The following NCK2 variants were observed in gnomAD, a reference collection of about 807,000 sequenced individuals.
The protein encoded by NCK2 is cytoplasmic protein NCK2.
In NCK2, 16 loss-of-function variants were observed where a neutral mutation model predicts 33.9. The ratio of observed to expected loss-of-function variants is 0.47; its 90% CI spans 0.32 to 0.72. The LOEUF is 0.72. Ranked by LOEUF, NCK2 falls within the 30% of genes least tolerant of loss-of-function variation. The probability of loss-of-function intolerance (pLI) is 0.03; values close to 1 mark genes in which losing one functional copy is unlikely to be tolerated. For missense variants in NCK2, 418 were observed against 537.3 expected (o/e 0.78, Z 2.19); for synonymous variants, 273 against 239.9 (o/e 1.14, Z -1.27).
intron 2 of NCK2, among the ~76,000 whole-genome samples, chr2:105,835,233 C>T (rs903812043): frequency 1.3e-5 from 2 of 150,896 alleles, no homozygotes; most frequent in African/African-American, 4.9e-5. Flanking sequence ...GTAGGGTTTC[C>T]TTAAGCATTC....
intron 1 of NCK2, among the ~76,000 whole-genome samples, chr2:105,760,915 C>T (rs1176901413): frequency 6.6e-6 from 1 of 152,116 alleles, no homozygotes; most frequent in Non-Finnish European, 1.5e-5. Flanking sequence ...CTTTGGGACA[C>T]CCCTAGCTCT....
chr2:105,862,986 A>G (rs905949306), intron 3 of NCK2, among the ~76,000 whole-genome samples: 2 of 151,794 alleles, frequency 1.3e-5, no homozygotes, highest in Non-Finnish European at 3.0e-5. Flanking sequence ...TATCTGCTGC[A>G]GTTGGACTTA....
intron 1 of NCK2, among the ~76,000 whole-genome samples, chr2:105,748,936 T>C (rs1016665990): frequency 6.6e-6 from 1 of 152,232 alleles, no homozygotes; most frequent in Admixed American, 6.5e-5. Context: ...TTCTGTCTAC[T>C]GTGGAAGGCT....
chr2:105,875,200 A>G (rs1573235619), intron 3 of NCK2, among the ~76,000 whole-genome samples: 2 of 152,008 alleles, frequency 1.3e-5, no homozygotes, highest in African/African-American at 4.8e-5. Flanking sequence ...TTGCCCTCCA[A>G]CCTGGCTGCT....
chr2:105,880,024 C>T (rs1001787270), intron 3 of NCK2, among the ~76,000 whole-genome samples: 1 of 152,198 alleles, frequency 6.6e-6, no homozygotes, highest in Non-Finnish European at 1.5e-5. Context: ...GTGTCCCCAG[C>T]TCTGGGGCTG....
intron 1 of NCK2, among the ~76,000 whole-genome samples, chr2:105,754,370 A>G (rs1573553479): frequency 6.6e-6 from 1 of 152,240 alleles, no homozygotes; most frequent in East Asian, 1.9e-4. Context: ...GCCCATGCCC[A>G]TCTTAGAGGA....
chr2:105,870,203 A>G (rs1677942556), intron 3 of NCK2, among the ~76,000 whole-genome samples: 2 of 152,232 alleles, frequency 1.3e-5, no homozygotes, highest in East Asian at 3.9e-4. Context: ...CACGGGGCCA[A>G]GCAGGGGCCC....
At chr2:105,852,487 AT>A (rs1353813297) in intron 2 of NCK2, among the ~76,000 whole-genome samples, 1 of 152,150 alleles carries the variant, frequency 6.6e-6, no homozygotes, top group East Asian at 1.9e-4. Flanking sequence ...AGGCAGTGGA[AT>A]TTTTAAAGCT....
At chr2:105,854,948 T>C (rs1277277439) in intron 2 of NCK2, 100 bp from the exon 3 acceptor site, 10 of 790,116 alleles carry the variant, frequency 1.3e-5, no homozygotes, top group Non-Finnish European at 2.1e-5. Flanking sequence ...GGTTGCAGAG[T>C]TGTAATAAAA....
intron 3 of NCK2, among the ~76,000 whole-genome samples, chr2:105,863,218 G>T (rs1158025892): frequency 1.3e-5 from 2 of 152,144 alleles, no homozygotes; most frequent in African/African-American, 4.8e-5. Flanking sequence ...TCTCATTTCG[G>T]CATTATAGGA....
At chr2:105,814,249 C>G (rs948863395) in intron 1 of NCK2, among the ~76,000 whole-genome samples, 1 of 152,204 alleles carries the variant, frequency 6.6e-6, no homozygotes, top group African/African-American at 2.4e-5. Context: ...TTTTATTCTA[C>G]TTAGGGTGTA....
chr2:105,892,875 G>T, intron 4 of NCK2, 107 bp from the exon 5 acceptor site: 2 of 862,314 alleles, frequency 2.3e-6, no homozygotes, highest in Non-Finnish European at 1.8e-6. Flanking sequence ...GAGACCCAGT[G>T]TTTGAGCAAT....
intron 1 of NCK2, among the ~76,000 whole-genome samples, chr2:105,808,833 G>A (rs769262194): frequency 5.3e-5 from 8 of 152,214 alleles, no homozygotes; most frequent in Non-Finnish European, 1.0e-4. Context: ...ATGATGTGGG[G>A]TGTGATACTG....
chr2:105,820,011 A>G (rs1675663462), intron 2 of NCK2, among the ~76,000 whole-genome samples: 1 of 152,196 alleles, frequency 6.6e-6, no homozygotes, highest in African/African-American at 2.4e-5. Flanking sequence ...TAACTGCTGT[A>G]GTGGAGGTTC....
intron 1 of NCK2, among the ~76,000 whole-genome samples, chr2:105,779,301 C>T (rs1217536075): frequency 3.4e-5 from 3 of 88,346 alleles, no homozygotes; most frequent in Admixed American, 3.0e-4. Context: ...GGCGAGACTC[C>T]GTCTCAAAAA....
In NCK2 at chr2:105,835,408, T is replaced by TATATATATATATATATATATACACATAC. The variant is rs1553458610; in HGVS notation, c.-17+18795_-17+18796insATATATATATATATATATATACACATAC. 7.3e-4 allele frequency among the ~76,000 whole-genome samples: 30 copies of TATATATATATATATATATATACACATAC among 41,274 alleles called. 1 individual carries two copies. Among genetic ancestry groups the TATATATATATATATATATATACACATAC allele is most frequent in the Non-Finnish European group, 4.8e-4 (7 of 14,732 alleles). 27.1% of individuals were successfully genotyped at this position (41,274 alleles called of 152,430 possible). On this transcript the variant is annotated intron_variant, in intron 2 of 4. Coordinates refer to ENST00000233154, the MANE Select transcript of NCK2 (RefSeq NM_003581.5). ...ATACACATATATATATATATATACG[T>TATATATATATATATATATATACACATAC]GTATATATATATATATTTTTTTTTT... is the stretch of plus-strand genomic sequence containing the variant.
At chr2:105,876,737 T>C (rs1373602600) in intron 3 of NCK2, among the ~76,000 whole-genome samples, 2 of 152,336 alleles carry the variant, frequency 1.3e-5, no homozygotes, top group Middle Eastern at 3.4e-3. Flanking sequence ...CAGTAGGTGG[T>C]TTTACTTTAA....
At chr2:105,761,128 G>A (rs1266613756) in intron 1 of NCK2, among the ~76,000 whole-genome samples, 1 of 152,228 alleles carries the variant, frequency 6.6e-6, no homozygotes, top group Non-Finnish European at 1.5e-5. Context: ...GGCCATGCTG[G>A]TGTGCCTGCC....
chr2:105,786,529 T>A (rs923162392), intron 1 of NCK2, among the ~76,000 whole-genome samples: 3 of 152,218 alleles, frequency 2.0e-5, no homozygotes, highest in African/African-American at 7.2e-5. Context: ...AGTCGGTTCC[T>A]TTAGCTCAGA....
Sources: allele counts gnomAD v4.1 joint callset (sites outside exome capture counted in the v4.1 genomes callset), GRCh38; gene constraint gnomAD v4.1.1; transcripts MANE v1.5; gene names NCBI Gene and HGNC (gene_info 2026-07-23, HGNC 2026-07-21).